The following CTNNA2 variants were observed in gnomAD, a reference collection of about 807,000 sequenced individuals.
The protein encoded by CTNNA2 is catenin alpha 2.
In CTNNA2, 42 loss-of-function variants were observed where a neutral mutation model predicts 101.0. That is an observed-to-expected ratio of 0.42 (90% CI 0.32 to 0.54). The LOEUF (loss-of-function observed/expected upper bound fraction) is 0.54. Among genes scored for constraint, CTNNA2 ranks in the 20% least tolerant of loss-of-function variants. The probability of loss-of-function intolerance (pLI) is 0.14; values close to 1 mark genes in which losing one functional copy is unlikely to be tolerated. For synonymous variants in CTNNA2, 450 were observed against 456.4 expected (o/e 0.99, Z 0.18); for missense variants, 871 against 1,223.1 (o/e 0.71, Z 4.29).
intron 7 of CTNNA2, among the ~76,000 whole-genome samples, chr2:80,249,260 G>T (rs1369719924): frequency 1.3e-5 from 2 of 152,162 alleles, no homozygotes; most frequent in African/African-American, 4.8e-5. Flanking sequence ...TAAAGAACCT[G>T]CAGGAGCATT....
chr2:79,610,990 G>A (rs1228965727), intron 1 of CTNNA2, among the ~76,000 whole-genome samples: 1 of 152,060 alleles, frequency 6.6e-6, no homozygotes. Context: ...TCTCAAAACC[G>A]TAATCATTAC....
At chr2:79,522,826 G>A (rs1672192330) in intron 1 of CTNNA2, among the ~76,000 whole-genome samples, 1 of 152,128 alleles carries the variant, frequency 6.6e-6, no homozygotes, top group South Asian at 2.1e-4. Context: ...CTATACAGAG[G>A]TATCTCAAGA....
At chr2:80,362,360 GTCTCT>G (rs749001654) in intron 7 of CTNNA2, among the ~76,000 whole-genome samples, 11 of 151,954 alleles carry the variant, frequency 7.2e-5, no homozygotes, top group Non-Finnish European at 1.6e-4. Context: ...TGAGGGAGAG[GTCTCT>G]TCTCTATTTT....
chr2:79,459,176 T>C (rs1395712941), intron 4 of CTNNA2, among the ~76,000 whole-genome samples: 1 of 152,190 alleles, frequency 6.6e-6, no homozygotes, highest in Non-Finnish European at 1.5e-5. Context: ...CAAAATCATA[T>C]ACTTCAGAAG....
chr2:79,272,878 A>G (rs964527290), intron 2 of CTNNA2, among the ~76,000 whole-genome samples: 4 of 152,046 alleles, frequency 2.6e-5, no homozygotes, highest in African/African-American at 7.2e-5. Flanking sequence ...CCTATTTCAG[A>G]CAGACTCTTT....
intron 7 of CTNNA2, among the ~76,000 whole-genome samples, chr2:80,170,189 G>GTCTC (rs773434399): frequency 2.7e-5 from 4 of 147,644 alleles, no homozygotes; most frequent in East Asian, 2.0e-4. Flanking sequence ...CTGCCTGCTT[G>GTCTC]TCTCTCTCTC....
chr2:80,631,456 A>G (rs1672289676), intron 18 of CTNNA2, among the ~76,000 whole-genome samples: 1 of 151,354 alleles, frequency 6.6e-6, no homozygotes, highest in Admixed American at 6.6e-5. Context: ...TTTCTTGTAT[A>G]ACTCAGCCTC....
intron 4 of CTNNA2, among the ~76,000 whole-genome samples, chr2:79,487,662 G>C (rs984131547): frequency 6.6e-6 from 1 of 152,130 alleles, no homozygotes; most frequent in African/African-American, 2.4e-5. Flanking sequence ...ATGTGAGTCA[G>C]CCATTTAACA....
intron 7 of CTNNA2, among the ~76,000 whole-genome samples, chr2:79,977,599 A>C (rs1690960829): frequency 6.6e-6 from 1 of 152,194 alleles, no homozygotes; most frequent in Admixed American, 6.5e-5. Context: ...TTAAAAATAC[A>C]GTTATTACAT....
intron 2 of CTNNA2, among the ~76,000 whole-genome samples, chr2:79,234,893 C>A (rs1055028907): frequency 1.3e-5 from 2 of 152,084 alleles, no homozygotes; most frequent in African/African-American, 4.8e-5. Context: ...CAGGTTGGTT[C>A]TTTCTTCAAA....
At chr2:80,433,071 C>A (rs531993961) in intron 9 of CTNNA2, among the ~76,000 whole-genome samples, 1 of 152,244 alleles carries the variant, frequency 6.6e-6, no homozygotes, top group East Asian at 1.9e-4. Context: ...CCTATCCCAA[C>A]ACAACACTCA....
chr2:79,862,926 A>C (rs191407680), intron 4 of CTNNA2, among the ~76,000 whole-genome samples: 3 of 152,204 alleles, frequency 2.0e-5, no homozygotes, highest in Admixed American at 1.3e-4. Context: ...AAAAGTCCAG[A>C]GGTAATAGCT....
chr2:79,225,078 A>G lies in CTNNA2; in HGVS notation c.-406+27002A>G, dbSNP rs534747942. The stretch of plus-strand genomic sequence containing the variant: ...TTTGACTACTATGAGTAAAACTGCT[A>G]TAAGCATTCGGCCACAGGTCTTTTT... On this transcript the variant is annotated intron_variant, in intron 2 of 21. Transcript: ENST00000466387. Among the ~76,000 whole-genome samples the G allele has an allele frequency of 7.9e-5, 12 of 152,212 alleles. No individual in the cohort carries two copies. In the South Asian group the frequency reaches 2.3e-3, roughly 29 times the overall value.
intron 7 of CTNNA2, among the ~76,000 whole-genome samples, chr2:80,309,303 G>A (rs1033046626): frequency 2.6e-5 from 4 of 152,028 alleles, no homozygotes; most frequent in Admixed American, 6.6e-5. Context: ...AAGGTTGATG[G>A]CAAATCTCCT....
intron 4 of CTNNA2, among the ~76,000 whole-genome samples, chr2:79,475,559 C>T (rs1671041933): frequency 1.3e-5 from 2 of 152,212 alleles, no homozygotes; most frequent in African/African-American, 4.8e-5. Context: ...ATCAAAATTC[C>T]AAATGAATAT....
chr2:80,297,222 G>A (rs1675824707), intron 7 of CTNNA2, among the ~76,000 whole-genome samples: 1 of 152,162 alleles, frequency 6.6e-6, no homozygotes, highest in Admixed American at 6.5e-5. Flanking sequence ...CTAGTTCTAG[G>A]CTCTTTGTTA....
At chr2:79,938,424 T>C (rs551571855) in intron 7 of CTNNA2, among the ~76,000 whole-genome samples, 38 of 152,216 alleles carry the variant, frequency 2.5e-4, no homozygotes, top group Non-Finnish European at 4.6e-4. Context: ...TATGAGTAGA[T>C]TCACAATTTG....
At chr2:80,364,024 G>A (rs1674667470) in intron 7 of CTNNA2, among the ~76,000 whole-genome samples, 1 of 152,108 alleles carries the variant, frequency 6.6e-6, no homozygotes, top group Non-Finnish European at 1.5e-5. Flanking sequence ...TTACTGCAGT[G>A]TGTCATCCTT....
intron 7 of CTNNA2, among the ~76,000 whole-genome samples, chr2:80,105,162 A>G (rs1700799538): frequency 6.6e-6 from 1 of 152,226 alleles, no homozygotes; most frequent in African/African-American, 2.4e-5. Context: ...AATTCTTTTC[A>G]GTAAAATACA....
Sources: allele counts gnomAD v4.1 joint callset (sites outside exome capture counted in the v4.1 genomes callset), GRCh38; gene constraint gnomAD v4.1.1; transcripts MANE v1.5; gene names NCBI Gene and HGNC (gene_info 2026-07-23, HGNC 2026-07-21).